CNTLN: variants seen among roughly 807,000 people sequenced by gnomAD.
CNTLN encodes centlein.
CNTLN carries 212 observed loss-of-function variants against 180.0 expected under a neutral mutation model. That is an observed-to-expected ratio of 1.18 (90% CI 1.05 to 1.32). The LOEUF is 1.32. Ranked by LOEUF, CNTLN falls within the 40% of genes most tolerant of loss-of-function variation. The pLI is 0.00. For synonymous variants in CNTLN, 722 were observed against 563.1 expected (o/e 1.28, Z -3.99); for missense variants, 2,095 against 1,610.9 (o/e 1.30, Z -5.14).
chr9:17,224,673 A>AT (rs1467450082), intron 2 of CNTLN, among the ~76,000 whole-genome samples: 1 of 151,870 alleles, frequency 6.6e-6, no homozygotes, highest in Admixed American at 6.6e-5. Flanking sequence ...AGTGATTATA[A>AT]TTTTTTATCT....
intron 10 of CNTLN, among the ~76,000 whole-genome samples, chr9:17,336,042 G>A (rs1367119105): frequency 6.6e-6 from 1 of 152,102 alleles, no homozygotes; most frequent in African/African-American, 2.4e-5. Context: ...ATCTCATTCA[G>A]CACCTGCCTG....
chr9:17,472,537 C>T (rs1008207608), intron 23 of CNTLN, among the ~76,000 whole-genome samples: 1 of 152,096 alleles, frequency 6.6e-6, no homozygotes, highest in Non-Finnish European at 1.5e-5. Flanking sequence ...TTCCCATCAT[C>T]ATACCCCTGA....
intron 2 of CNTLN, among the ~76,000 whole-genome samples, chr9:17,189,642 C>A (rs1180337718): frequency 6.6e-6 from 1 of 151,586 alleles, no homozygotes; most frequent in African/African-American, 2.4e-5. Flanking sequence ...CACCATCACA[C>A]CTGACTAATT....
intron 3 of CNTLN, among the ~76,000 whole-genome samples, chr9:17,235,165 T>A (rs1202932035): frequency 6.6e-6 from 1 of 152,176 alleles, no homozygotes; most frequent in Non-Finnish European, 1.5e-5. Flanking sequence ...TTGGCAGCCT[T>A]AACATTCTAA....
At chr9:17,412,219 A>G (rs779567868) in intron 16 of CNTLN, among the ~76,000 whole-genome samples, 1 of 152,178 alleles carries the variant, frequency 6.6e-6, no homozygotes, top group African/African-American at 2.4e-5. Flanking sequence ...CAGTAATTAG[A>G]TGGTGTGCTC....
At chr9:17,522,584 G>C in the CNTLN span, among the ~76,000 whole-genome samples, 2 of 152,180 alleles carry the variant, frequency 1.3e-5, no homozygotes, top group East Asian at 3.9e-4. Flanking sequence ...TGAAACTACA[G>C]TACAGCCTTG....
chr9:17,384,183 A>T (rs971736091), intron 13 of CNTLN, among the ~76,000 whole-genome samples: 9 of 151,968 alleles, frequency 5.9e-5, no homozygotes, highest in Non-Finnish European at 1.0e-4. Context: ...CCCCTGATTC[A>T]TCCAGCGAGC....
At chr9:17,263,478 T>C (rs1489367017) in intron 5 of CNTLN, among the ~76,000 whole-genome samples, 3 of 151,346 alleles carry the variant, frequency 2.0e-5, no homozygotes, top group African/African-American at 4.9e-5. Context: ...GTCTTTGCTA[T>C]TGTGAATAGT....
intron 23 of CNTLN, among the ~76,000 whole-genome samples, chr9:17,473,624 C>T (rs951505473): frequency 2.0e-5 from 3 of 151,778 alleles, no homozygotes; most frequent in African/African-American, 4.8e-5. Context: ...AAAAACAACC[C>T]TTCATTTGAC....
At chr9:17,384,290 G>A (rs1157564863) in intron 13 of CNTLN, among the ~76,000 whole-genome samples, 16 of 148,436 alleles carry the variant, frequency 1.1e-4, no homozygotes, top group South Asian at 2.1e-4. Context: ...TAAATAAAAT[G>A]AAAAAAAAAA....
At chr9:17,341,902 T>C (rs1303383056) in intron 11 of CNTLN, among the ~76,000 whole-genome samples, 1 of 152,192 alleles carries the variant, frequency 6.6e-6, no homozygotes, top group East Asian at 1.9e-4. Context: ...AAATCTACTT[T>C]CTGACATATT....
chr9:17,312,396 TA>T (rs1382585639), intron 8 of CNTLN, among the ~76,000 whole-genome samples: 307 of 134,680 alleles, frequency 2.3e-3, no homozygotes, highest in African/African-American at 7.8e-3. Flanking sequence ...TTTATTTATT[TA>T]TTTTTTTGAT....
At chr9:17,522,518 C>T in the CNTLN span, among the ~76,000 whole-genome samples, 1 of 152,078 alleles carries the variant, frequency 6.6e-6, no homozygotes, top group Non-Finnish European at 1.5e-5. Flanking sequence ...TTCATCACTT[C>T]GGGGGCTGGG....
At chr9:17,451,562 A>G (rs919194926) in intron 18 of CNTLN, among the ~76,000 whole-genome samples, 1 of 152,146 alleles carries the variant, frequency 6.6e-6, no homozygotes, top group Non-Finnish European at 1.5e-5. Flanking sequence ...CGGAGAGTAC[A>G]TTATTGTTAT....
chr9:17,421,521 C>G lies in CNTLN; in HGVS notation c.3114+5332C>G, dbSNP rs1021824492. Among the ~76,000 whole-genome samples, 17 of 151,944 alleles carry G rather than the reference C, an allele frequency of 1.1e-4. 1 individual carries two copies. Among genetic ancestry groups the G allele is most frequent in the Admixed American group, 8.5e-4 (13 of 15,244 alleles). ...ATTGGGTCTTGTTTTTTAATCCATTCAGCTACTATGTATCTTTTGGTTGGA... is the reference window on the plus strand; with the variant it reads ...ATTGGGTCTTGTTTTTTAATCCATTGAGCTACTATGTATCTTTTGGTTGGA... On this transcript the variant is annotated intron_variant, in intron 18 of 25. Coordinates refer to ENST00000380647, the MANE Select transcript of CNTLN (RefSeq NM_017738.4).
At chr9:17,344,102 C>G (rs1033438049) in intron 12 of CNTLN, among the ~76,000 whole-genome samples, 46 of 152,204 alleles carry the variant, frequency 3.0e-4, no homozygotes, top group Non-Finnish European at 1.8e-4. Context: ...CCTAATCTAA[C>G]TATTCAAGAA....
chr9:17,208,289 T>A (rs923719035), intron 2 of CNTLN, among the ~76,000 whole-genome samples: 1 of 152,216 alleles, frequency 6.6e-6, no homozygotes, highest in Admixed American at 6.5e-5. Flanking sequence ...TTTGCATATG[T>A]TGAACTATTA....
At chr9:17,298,377 AT>A in intron 7 of CNTLN, 25 bp downstream of exon 7, 1 of 1,570,478 alleles carries the variant, frequency 6.4e-7, no homozygotes, top group Non-Finnish European at 8.6e-7. Flanking sequence ...TGTAATAAAG[AT>A]GTAAATGTTT....
chr9:17,472,402 C>T (rs181474292), intron 23 of CNTLN, among the ~76,000 whole-genome samples: 1 of 152,180 alleles, frequency 6.6e-6, no homozygotes, highest in Non-Finnish European at 1.5e-5. Flanking sequence ...GCTTAGCACC[C>T]GGATTATCTT....
Sources: gnomAD v4.1 joint callset for allele counts (sites outside exome capture counted in the v4.1 genomes callset) on GRCh38, gnomAD v4.1.1 for gene constraint, MANE v1.5 for transcripts, NCBI Gene and HGNC (gene_info 2026-07-23, HGNC 2026-07-21) for gene names.